Variants in TLL2 observed in about 807,000 individuals in gnomAD.
TLL2 encodes tolloid like 2, also known as tolloid-like protein 2.
TLL2 carries 106 observed loss-of-function variants against 123.0 expected under a neutral mutation model. The ratio of observed to expected loss-of-function variants is 0.86; its 90% CI spans 0.74 to 1.01. The LOEUF (loss-of-function observed/expected upper bound fraction) is 1.01. TLL2 is among the 50% of genes least tolerant of loss of function. TLL2 has a pLI of 0.00. For synonymous variants in TLL2, 494 were observed against 516.8 expected (o/e 0.96, Z 0.60); for missense variants, 1,332 against 1,336.7 (o/e 1.00, Z 0.06).
intron 16 of TLL2, among the ~76,000 whole-genome samples, chr10:96,380,478 A>T (rs149112360): frequency 0.021 from 3,161 of 152,112 alleles, 122 homozygotes; most frequent in African/African-American, 0.073. Context: ...GGAGATTGAG[A>T]CCATCCTGGC....
In TLL2 at chr10:96,428,687, GGTCAC is replaced by G; in HGVS notation, c.577_581del (p.Val193LeufsTer7). ...TTTCCTCATCCGTCCTTTCTATGAAGGTCACACAGGTGTGCTTCTCCCAGTGTCTC... is the reference window on the plus strand; with the variant it reads ...TTTCCTCATCCGTCCTTTCTATGAAGACAGGTGTGCTTCTCCCAGTGTCTC... On this transcript the variant is annotated frameshift_variant, in exon 5 of 21. Transcript: ENST00000357947. LOFTEE classifies it high-confidence loss of function. 1 of 1,614,050 alleles carries G rather than the reference GGTCAC, an allele frequency of 6.2e-7. No homozygotes were observed.
At chr10:96,463,738 C>T (rs1847103281) in intron 2 of TLL2, among the ~76,000 whole-genome samples, 2 of 152,248 alleles carry the variant, frequency 1.3e-5, no homozygotes, top group African/African-American at 4.8e-5. Flanking sequence ...AGGATGCCAT[C>T]TAGCAGGGCA....
chr10:96,476,240 ATTT>A (rs1554939630), intron 2 of TLL2, among the ~76,000 whole-genome samples: 1 of 20,502 alleles, frequency 4.9e-5, no homozygotes, highest in South Asian at 1.7e-3. Flanking sequence ...ATATATATAT[ATTT>A]TATTTTTGTT....
At chr10:96,495,172 G>A (rs1026377532) in intron 1 of TLL2, among the ~76,000 whole-genome samples, 3 of 152,152 alleles carry the variant, frequency 2.0e-5, no homozygotes, top group Admixed American at 1.3e-4. Flanking sequence ...ATAAGCCCAG[G>A]TTATTGGAGG....
At chr10:96,476,571 T>A (rs1032470272) in intron 2 of TLL2, among the ~76,000 whole-genome samples, 1 of 151,520 alleles carries the variant, frequency 6.6e-6, no homozygotes, top group Admixed American at 6.6e-5. Context: ...CTGTGATTTT[T>A]AAAATTAAAA....
intron 9 of TLL2, among the ~76,000 whole-genome samples, chr10:96,407,035 C>A (rs141134649): frequency 6.6e-6 from 1 of 152,170 alleles, no homozygotes; most frequent in East Asian, 1.9e-4. Context: ...CACACTGGGG[C>A]TTCTAGATCA....
chr10:96,413,265 C>A lies in TLL2; in HGVS notation c.975G>T (p.Arg325Ser), dbSNP rs757876320. Residue 325 changes from arginine to serine, a missense_variant, in exon 8 of 21, where the codon AGG (arginine) becomes AGT (serine). By Grantham distance (110) the Arg-to-Ser change is moderately radical. Coordinates refer to ENST00000357947, the MANE Select transcript of TLL2 (RefSeq NM_012465.4). ...GCCGCACGCGCTGGCCAATGGTTGG[C>A]CTGACGCCATTGTCATCTTGACGGG... Reference protein sequence around the residue: ...ILPRQDDNGVRPTIGQRVRLS... With the variant: ...ILPRQDDNGVSPTIGQRVRLS... The A allele has an allele frequency of 6.8e-5, 109 of 1,614,118 alleles. 1 individual carries two copies. The Middle Eastern group carries it at 7.1e-3, about 105-fold the overall frequency.
chr10:96,436,688 A>G (rs1170177348), intron 3 of TLL2, among the ~76,000 whole-genome samples: 2 of 150,714 alleles, frequency 1.3e-5, no homozygotes, highest in Admixed American at 6.6e-5. Context: ...ATATTGCTAT[A>G]CCTTTTTTTT....
chr10:96,477,038 T>A (rs1303953092), intron 2 of TLL2, among the ~76,000 whole-genome samples: 3 of 141,236 alleles, frequency 2.1e-5, no homozygotes, highest in African/African-American at 5.9e-5. Flanking sequence ...TGGACTTTTT[T>A]TTTTTTTTTT....
At chr10:96,386,698 C>T (rs1273645295) in intron 14 of TLL2, among the ~76,000 whole-genome samples, 1 of 152,206 alleles carries the variant, frequency 6.6e-6, no homozygotes, top group Non-Finnish European at 1.5e-5. Flanking sequence ...ATGTCAATTT[C>T]ACACAATCAT....
intron 2 of TLL2, among the ~76,000 whole-genome samples, chr10:96,458,719 C>T (rs1046110361): frequency 4.0e-5 from 6 of 150,968 alleles, no homozygotes; most frequent in South Asian, 2.1e-4. Context: ...TGCAGTAAGC[C>T]GAAATCGTGC....
rs915445488 is a variant in TLL2 at position 96,410,672 on chromosome 10, G to A, written c.1049-198C>T. 51 of 661,690 alleles carry A rather than the reference G, an allele frequency of 7.7e-5. No homozygotes were observed. The Admixed American group carries it at 8.9e-4, about 11-fold the overall frequency. 41.0% of individuals were successfully genotyped at this position (661,690 alleles called of 1,614,324 possible). A position where few individuals can be genotyped will look rare whatever the true frequency, so the allele number is the denominator to read the frequency against. Reference sequence around the variant, plus strand: ...TAGGACCTAGGAGTCAAAAAGGAACGCCCAGGAATTTCTTCTGAGGCTCTC... The same window carrying A: ...TAGGACCTAGGAGTCAAAAAGGAACACCCAGGAATTTCTTCTGAGGCTCTC... On this transcript the variant is annotated intron_variant, in intron 8 of 20. Coordinates refer to ENST00000357947, the MANE Select transcript of TLL2 (RefSeq NM_012465.4).
chr10:96,396,157 C>T, intron 11 of TLL2, 137 bp from the exon 12 acceptor site: 2 of 997,948 alleles, frequency 2.0e-6, no homozygotes, highest in Admixed American at 2.6e-5. Context: ...ATCTCCAGCC[C>T]ACAAACACCG....
In TLL2 at chr10:96,410,359, C is replaced by A. The variant is rs1419483598; in HGVS notation, c.1164G>T (p.Lys388Asn). ...VWRISVTPGEKIVLNFTSMDL... is the reference protein window; with the variant it reads ...VWRISVTPGENIVLNFTSMDL... ...TTTGCCAAGGGGGCTTCCCACCTACCTTTTCCCCTGGGGTGACCGAGATCC... is the reference window on the plus strand; with the variant it reads ...TTTGCCAAGGGGGCTTCCCACCTACATTTTCCCCTGGGGTGACCGAGATCC... The change falls in exon 9 of 21, where the codon AAG becomes AAT. Residue 388 changes from lysine to asparagine, a missense_variant and splice_region_variant. Lys to Asn is a moderately conservative substitution (Grantham distance 94, BLOSUM62 0). Transcript: ENST00000357947. The A allele has an allele frequency of 1.9e-6, 3 of 1,612,248 alleles. No individual in the cohort carries two copies. The highest frequency in any genetic ancestry group is 1.7e-6 in the Non-Finnish European group (2 of 1,179,596).
At chr10:96,368,454 A>G (rs528323440) in intron 20 of TLL2, among the ~76,000 whole-genome samples, 1 of 152,282 alleles carries the variant, frequency 6.6e-6, no homozygotes, top group South Asian at 2.1e-4. Flanking sequence ...GCTCATATAG[A>G]ATCTATTATT....
At chr10:96,404,606 T>C (rs1846431053) in intron 10 of TLL2, among the ~76,000 whole-genome samples, 2 of 152,176 alleles carry the variant, frequency 1.3e-5, no homozygotes, top group South Asian at 2.1e-4. Context: ...GACACGATAT[T>C]TGGTGTTCAG....
chr10:96,493,718 T>C (rs1847440231), intron 1 of TLL2, among the ~76,000 whole-genome samples: 1 of 152,076 alleles, frequency 6.6e-6, no homozygotes, highest in African/African-American at 2.4e-5. Context: ...ACCCCTTCCA[T>C]GCACACATCC....
chr10:96,473,382 G>C (rs1163462137), intron 2 of TLL2, among the ~76,000 whole-genome samples: 2 of 152,116 alleles, frequency 1.3e-5, no homozygotes, highest in Non-Finnish European at 2.9e-5. Flanking sequence ...TTGAACCAGA[G>C]ATCATGCCAC....
At chr10:96,380,810 C>T (rs191594969) in intron 16 of TLL2, among the ~76,000 whole-genome samples, 19 of 148,784 alleles carry the variant, frequency 1.3e-4, no homozygotes, top group Admixed American at 9.5e-4. Context: ...ACCTGAGGTC[C>T]GGAGTTCGAG....
Sources: allele counts gnomAD v4.1 joint callset (sites outside exome capture counted in the v4.1 genomes callset), GRCh38; gene constraint gnomAD v4.1.1; transcripts MANE v1.5; gene names NCBI Gene and HGNC (gene_info 2026-07-23, HGNC 2026-07-21).